The following ATF7IP2 variants were observed in gnomAD, a reference collection of about 807,000 sequenced individuals.
ATF7IP2 encodes the protein activating transcription factor 7 interacting protein 2.
In ATF7IP2, 42 loss-of-function variants were observed where a neutral mutation model predicts 64.2. The ratio of observed to expected loss-of-function variants is 0.65; its 90% confidence interval spans 0.51 to 0.85. ATF7IP2 has a LOEUF of 0.85. ATF7IP2 is among the 40% of genes least tolerant of loss of function. ATF7IP2 has a pLI of 0.00. For synonymous variants in ATF7IP2, 308 were observed against 272.8 expected (o/e 1.13, Z -1.27); for missense variants, 933 against 784.2 (o/e 1.19, Z -2.27).
intron 1 of ATF7IP2, among the ~76,000 whole-genome samples, chr16:10,405,402 G>A (rs1323676237): frequency 6.6e-6 from 1 of 151,986 alleles, no homozygotes; most frequent in Non-Finnish European, 1.5e-5. Flanking sequence ...TCATTATCGT[G>A]AAGACACCTG....
intron 3 of ATF7IP2, among the ~76,000 whole-genome samples, chr16:10,423,225 C>G (rs935773166): frequency 6.6e-6 from 1 of 152,168 alleles, no homozygotes; most frequent in African/African-American, 2.4e-5. Context: ...GCCTGGGTGA[C>G]AGAGTGAGAC....
chr16:10,415,094 C>CGA (rs2047845151), intron 2 of ATF7IP2, among the ~76,000 whole-genome samples: 1 of 152,114 alleles, frequency 6.6e-6, no homozygotes, highest in Admixed American at 6.6e-5. Context: ...ATCAAAGCAT[C>CGA]GATGACATTC....
intron 1 of ATF7IP2, among the ~76,000 whole-genome samples, chr16:10,408,925 C>G (rs1426141531): frequency 6.6e-6 from 1 of 152,154 alleles, no homozygotes; most frequent in East Asian, 1.9e-4. Context: ...AAGTCAATGT[C>G]TATGTTGGAG....
At chr16:10,444,297 AG>A (rs1241119955) in intron 8 of ATF7IP2, among the ~76,000 whole-genome samples, 1 of 152,144 alleles carries the variant, frequency 6.6e-6, no homozygotes, top group Non-Finnish European at 1.5e-5. Flanking sequence ...ATGCCTCCAA[AG>A]GGGGTCATGC....
chr16:10,477,724 C>G (rs554172429), intron 12 of ATF7IP2, among the ~76,000 whole-genome samples: 1 of 151,836 alleles, frequency 6.6e-6, no homozygotes, highest in Non-Finnish European at 1.5e-5. Context: ...TGTTTGCAGA[C>G]GACATGATTG....
chr16:10,471,973 A>G, intron 9 of ATF7IP2, 137 bp from the exon 10 acceptor site: 2 of 446,648 alleles, frequency 4.5e-6, no homozygotes, highest in Middle Eastern at 3.8e-4. Context: ...TGGTTTTATC[A>G]TTTCTATTTC....
At chr16:10,479,437 T>C (rs564283653) in intron 12 of ATF7IP2, among the ~76,000 whole-genome samples, 1 of 151,508 alleles carries the variant, frequency 6.6e-6, no homozygotes, top group African/African-American at 2.4e-5. Context: ...CACTCATAGG[T>C]GGGAATTGAA....
intron 9 of ATF7IP2, among the ~76,000 whole-genome samples, chr16:10,464,610 T>A (rs1328007521): frequency 6.6e-6 from 1 of 152,170 alleles, no homozygotes; most frequent in Non-Finnish European, 1.5e-5. Flanking sequence ...AGAGTAAGCA[T>A]CAGGGTCTAA....
chr16:10,431,546 G>A (rs766335217), intron 5 of ATF7IP2, 91 bp downstream of exon 5: 116 of 837,324 alleles, frequency 1.4e-4, no homozygotes, highest in Non-Finnish European at 1.8e-4. Context: ...AACCAGTATA[G>A]ACAGAAAAAA....
chr16:10,469,276 G>T (rs551765240), intron 9 of ATF7IP2, among the ~76,000 whole-genome samples: 2 of 152,080 alleles, frequency 1.3e-5, no homozygotes, highest in African/African-American at 4.8e-5. Context: ...GCATGGAGAG[G>T]AAAAAGACTG....
intron 12 of ATF7IP2, among the ~76,000 whole-genome samples, chr16:10,475,620 G>T (rs1047316199): frequency 3.3e-4 from 48 of 145,962 alleles, no homozygotes; most frequent in African/African-American, 1.2e-3. Context: ...GCGAACCCGG[G>T]AAGTGGAGCT....
At chr16:10,408,861 A>G (rs1203018270) in intron 1 of ATF7IP2, among the ~76,000 whole-genome samples, 1 of 152,134 alleles carries the variant, frequency 6.6e-6, no homozygotes, top group Non-Finnish European at 1.5e-5. Flanking sequence ...CTGCCTATTC[A>G]TCTTTGTTTT....
At chr16:10,472,807 G>A (rs1211148589) in intron 10 of ATF7IP2, among the ~76,000 whole-genome samples, 1 of 147,092 alleles carries the variant, frequency 6.8e-6, no homozygotes, top group East Asian at 2.0e-4. Flanking sequence ...AGTGAGCTGA[G>A]ATCGTGCTAC....
chr16:10,442,218 T>C (rs1216095528), intron 8 of ATF7IP2, among the ~76,000 whole-genome samples: 9 of 152,252 alleles, frequency 5.9e-5, no homozygotes, highest in Admixed American at 5.9e-4. Context: ...AGGTTACTTA[T>C]AAATTGGAAC....
Position 10,449,941 on chromosome 16 carries a change from C to T in ATF7IP2, c.1195-7431C>T, listed in dbSNP as rs146353331. Among the ~76,000 whole-genome samples, 483 of 151,964 alleles carry T rather than the reference C, an allele frequency of 3.2e-3. 1 individual carries two copies. The highest frequency in any genetic ancestry group is 0.021 in the South Asian group (103 of 4,812). ...TAGGGTGTCGATTTTAGATCTTTCC[C>T]GCTTGTGGGCATTTAGTGCTATAAA... On this transcript the variant is annotated intron_variant, in intron 8 of 13. Coordinates refer to ENST00000562102, the MANE Select transcript of ATF7IP2 (RefSeq NM_001393719.1).
rs59143669 is a variant in ATF7IP2, at chr16:10,425,054, ATTT to A, written c.-159-3795_-159-3793del. On this transcript the variant is annotated intron_variant, in intron 3 of 13. Coordinates refer to ENST00000562102, the MANE Select transcript of ATF7IP2 (RefSeq NM_001393719.1). Reference sequence around the variant, plus strand: ...ACTTGTACATGAATGTTTATATCAGATTTTTTTTTTTTTTTTTTTTTGAGACAG... The same window carrying A: ...ACTTGTACATGAATGTTTATATCAGATTTTTTTTTTTTTTTTTTGAGACAG... Among the ~76,000 whole-genome samples, 436 of 132,162 alleles carry A rather than the reference ATTT, an allele frequency of 3.3e-3. 2 individuals carry two copies. The highest frequency in any genetic ancestry group is 0.012 in the African/African-American group (406 of 34,478). The allele number at this position is 132,162 out of a possible 152,430, so 86.7% of individuals were successfully genotyped here.
chr16:10,405,369 T>C (rs1020689317), intron 1 of ATF7IP2, among the ~76,000 whole-genome samples: 6 of 151,120 alleles, frequency 4.0e-5, no homozygotes, highest in African/African-American at 1.5e-4. Flanking sequence ...CAAAACTCCA[T>C]CTCAAAAAAA....
chr16:10,456,448 T>C (rs2049171075), intron 8 of ATF7IP2, among the ~76,000 whole-genome samples: 1 of 152,142 alleles, frequency 6.6e-6, no homozygotes, highest in Admixed American at 6.5e-5. Flanking sequence ...AGGACTCCCT[T>C]TCAGCAGGAA....
At chr16:10,433,190 C>G (rs995029899) in intron 5 of ATF7IP2, among the ~76,000 whole-genome samples, 1 of 151,814 alleles carries the variant, frequency 6.6e-6, no homozygotes, top group African/African-American at 2.4e-5. Flanking sequence ...TCTCTTTTTT[C>G]CTCCTTGAAA....
Sources: gnomAD v4.1 joint callset for allele counts (sites outside exome capture counted in the v4.1 genomes callset) on GRCh38, gnomAD v4.1.1 for gene constraint, MANE v1.5 for transcripts, NCBI Gene and HGNC (gene_info 2026-07-23, HGNC 2026-07-21) for gene names.